Variants in DISC1 observed in about 807,000 individuals in gnomAD.
The protein encoded by DISC1 is disrupted in schizophrenia 1 protein.
DISC1 carries 57 observed loss-of-function variants against 84.5 expected under a neutral mutation model. That is an observed-to-expected ratio of 0.67 (90% CI 0.55 to 0.84). The LOEUF is 0.84. DISC1 is among the 40% of genes least tolerant of loss of function. DISC1 has a pLI of 0.00. For missense variants in DISC1, 1,000 were observed against 1,057.8 expected (o/e 0.95, Z 0.76); for synonymous variants, 411 against 415.2 (o/e 0.99, Z 0.12).
chr1:231,657,158 G>T (rs1033519553), intron 1 of DISC1, among the ~76,000 whole-genome samples: 3 of 152,214 alleles, frequency 2.0e-5, no homozygotes, highest in African/African-American at 7.2e-5. Context: ...ACCCCGTAAT[G>T]GGATTGATGA....
chr1:231,945,723 A>C (rs1657044594), intron 9 of DISC1, among the ~76,000 whole-genome samples: 1 of 152,218 alleles, frequency 6.6e-6, no homozygotes, highest in Admixed American at 6.5e-5. Flanking sequence ...TAGCCAGACT[A>C]ATAAAGAAGA....
chr1:231,690,125 T>C (rs553260614), intron 1 of DISC1, among the ~76,000 whole-genome samples: 3 of 152,312 alleles, frequency 2.0e-5, no homozygotes, highest in Non-Finnish European at 2.9e-5. Flanking sequence ...TAGAGACCCA[T>C]TGACATCTGG....
chr1:231,900,682 A>G (rs1416805196), intron 9 of DISC1, among the ~76,000 whole-genome samples: 1 of 152,152 alleles, frequency 6.6e-6, no homozygotes, highest in African/African-American at 2.4e-5. Flanking sequence ...GCCATGGGAA[A>G]AATTGTGTAT....
At chr1:231,968,894 A>C (rs537217377) in intron 10 of DISC1, among the ~76,000 whole-genome samples, 1 of 152,322 alleles carries the variant, frequency 6.6e-6, no homozygotes, top group South Asian at 2.1e-4. Flanking sequence ...GCTCTTAAAG[A>C]CTTGATTTTC....
At chr1:231,699,055 A>G (rs1319739007) in intron 2 of DISC1, among the ~76,000 whole-genome samples, 2 of 152,340 alleles carry the variant, frequency 1.3e-5, no homozygotes, top group East Asian at 3.9e-4. Flanking sequence ...CATGTTCCAC[A>G]GAGATTTTTG....
At chr1:231,764,305 A>G (rs561010387) in intron 4 of DISC1, among the ~76,000 whole-genome samples, 1 of 152,336 alleles carries the variant, frequency 6.6e-6, no homozygotes, top group East Asian at 1.9e-4. Context: ...AAATATTTAA[A>G]TCAAAAGTGC....
intron 9 of DISC1, among the ~76,000 whole-genome samples, chr1:231,853,439 T>G (rs1001234296): frequency 6.6e-6 from 1 of 152,218 alleles, no homozygotes; most frequent in Non-Finnish European, 1.5e-5. Flanking sequence ...CTGTCCTGAA[T>G]ACTGTAGGCA....
intron 9 of DISC1, among the ~76,000 whole-genome samples, chr1:231,946,960 CCAAA>C (rs1368553830): frequency 9.2e-5 from 14 of 151,978 alleles, no homozygotes; most frequent in Admixed American, 9.2e-4. Context: ...TAAGAGAGGA[CCAAA>C]CAAATGGAAA....
chr1:231,647,106 G>A (rs184847415), intron 1 of DISC1, among the ~76,000 whole-genome samples: 339 of 152,320 alleles, frequency 2.2e-3, no homozygotes, highest in African/African-American at 7.8e-3. Flanking sequence ...TGTTGCCATT[G>A]CTTTTGGTGT....
intron 4 of DISC1, among the ~76,000 whole-genome samples, chr1:231,763,322 T>C (rs1245392776): frequency 6.6e-6 from 1 of 152,224 alleles, no homozygotes; most frequent in Non-Finnish European, 1.5e-5. Context: ...GAGAAGCGAA[T>C]GTGATCAAAA....
At position 231,826,825 on chromosome 1, in the gene DISC1, T is replaced by C. The variant is rs190195344; in HGVS notation, c.1981+8308T>C. ...ATAAGTAAATGCATTGGTTATTAGA[T>C]TGATACATTACTCAGTTCCTGGTAA... On this transcript the variant is annotated intron_variant, in intron 9 of 12. Transcript: ENST00000439617. The surrounding 1 kb of genome is among the most constrained non-coding windows in gnomAD (Gnocchi z 4.2). Among the ~76,000 whole-genome samples, 105 of 152,320 alleles carry C rather than the reference T, an allele frequency of 6.9e-4. 2 individuals carry two copies. The highest frequency in any genetic ancestry group is 6.2e-3 in the Admixed American group (95 of 15,306).
At chr1:231,779,910 T>G (rs1482984372) in intron 6 of DISC1, among the ~76,000 whole-genome samples, 12 of 152,112 alleles carry the variant, frequency 7.9e-5, no homozygotes, top group African/African-American at 2.9e-4. Context: ...TCCCTTAAAG[T>G]GCCTGCTAAT....
chr1:231,828,913 T>TTTC (rs201070658), intron 9 of DISC1, among the ~76,000 whole-genome samples: 3,467 of 152,284 alleles, frequency 0.023, 47 homozygotes, highest in Middle Eastern at 0.034. Flanking sequence ...GTGGCTCAAG[T>TTTC]TTCTGTATAT....
At chr1:231,840,893 G>A (rs1382445768) in intron 9 of DISC1, among the ~76,000 whole-genome samples, 1 of 152,066 alleles carries the variant, frequency 6.6e-6, no homozygotes, top group Non-Finnish European at 1.5e-5. Flanking sequence ...TACAACAAGT[G>A]AATTTTACTG....
chr1:231,974,710 C>G (rs1297834943), intron 10 of DISC1, among the ~76,000 whole-genome samples: 1 of 152,174 alleles, frequency 6.6e-6, no homozygotes, highest in Non-Finnish European at 1.5e-5. Flanking sequence ...CTGCCAGTTT[C>G]TTTAAGTCTA....
At position 231,797,981 on chromosome 1, in the gene DISC1, A is replaced by C. The variant is rs1371090208; in HGVS notation, c.1690-2127A>C. ...GGCAGGGGCCTATATTAGTCCACAGAGAATTAAAACAAAACTGTCCAGTCA... is the reference window on the plus strand; with the variant it reads ...GGCAGGGGCCTATATTAGTCCACAGCGAATTAAAACAAAACTGTCCAGTCA... On this transcript the variant is annotated intron_variant, in intron 7 of 12. Transcript: ENST00000439617. Among the ~76,000 whole-genome samples the C allele has an allele frequency of 2.6e-5, 4 of 151,966 alleles. No homozygotes were observed. The East Asian group carries it at 7.7e-4, about 29-fold the overall frequency.
At chr1:231,743,138 G>A (rs72758638) in intron 3 of DISC1, among the ~76,000 whole-genome samples, 3,494 of 152,276 alleles carry the variant, frequency 0.023, 59 homozygotes, top group Non-Finnish European at 0.037. Flanking sequence ...AGAATATGGT[G>A]GATAGCAGAG....
At chr1:231,896,075 C>A (rs2087662319) in intron 9 of DISC1, among the ~76,000 whole-genome samples, 2 of 152,262 alleles carry the variant, frequency 1.3e-5, no homozygotes, top group East Asian at 1.9e-4. Context: ...GTCACGGCAA[C>A]TTTCCTACCA....
intron 1 of DISC1, among the ~76,000 whole-genome samples, chr1:231,672,871 G>T (rs1019209937): frequency 2.0e-5 from 3 of 152,188 alleles, no homozygotes; most frequent in African/African-American, 7.2e-5. Flanking sequence ...TTTGGTTTGG[G>T]AGAGGTGAGA....
Sources: allele counts gnomAD v4.1 joint callset (sites outside exome capture counted in the v4.1 genomes callset), GRCh38; gene constraint gnomAD v4.1.1; non-coding constraint Gnocchi (gnomAD v3.1); transcripts MANE v1.5; gene names NCBI Gene and HGNC (gene_info 2026-07-23, HGNC 2026-07-21).